Variants in COBLL1 observed in about 807,000 individuals in gnomAD.
COBLL1 encodes the protein cordon-bleu protein-like 1.
A neutral mutation model predicts 94.8 loss-of-function variants in COBLL1; 50 were observed. The ratio of observed to expected loss-of-function variants is 0.53; its 90% CI spans 0.42 to 0.67. The LOEUF (loss-of-function observed/expected upper bound fraction) is 0.67, where lower values mean the gene tolerates loss of function less well. Ranked by LOEUF, COBLL1 falls within the 30% of genes least tolerant of loss-of-function variation. COBLL1 has a pLI of 0.00. For synonymous variants in COBLL1, 448 were observed against 473.8 expected (o/e 0.95, Z 0.71); for missense variants, 1,362 against 1,348.7 (o/e 1.01, Z -0.15).
chr2:164,825,207 T>C (rs1461003472), intron 2 of COBLL1, among the ~76,000 whole-genome samples: 1 of 152,214 alleles, frequency 6.6e-6, no homozygotes, highest in Non-Finnish European at 1.5e-5. Flanking sequence ...TGTTCTTAAA[T>C]TACTGTGACC....
chr2:164,757,933 T>TA (rs1687492275), intron 2 of COBLL1, among the ~76,000 whole-genome samples: 1 of 152,082 alleles, frequency 6.6e-6, no homozygotes, highest in African/African-American at 2.4e-5. Flanking sequence ...TTTGAACAGT[T>TA]ATGAAAGTCA....
intron 7 of COBLL1, among the ~76,000 whole-genome samples, chr2:164,715,858 C>A (rs1247756690): frequency 6.6e-6 from 1 of 152,000 alleles, no homozygotes; most frequent in African/African-American, 2.4e-5. Flanking sequence ...AATGTAATAT[C>A]CCAGAGAAAA....
At chr2:164,669,646 A>G (rs1227336041) in intron 1 of COBLL1, among the ~76,000 whole-genome samples, 3 of 152,208 alleles carry the variant, frequency 2.0e-5, no homozygotes. Flanking sequence ...GGAACACTGC[A>G]AAACATTCTT....
chr2:164,826,896 G>GTT (rs11307250), intron 2 of COBLL1, among the ~76,000 whole-genome samples: 2 of 122,010 alleles, frequency 1.6e-5, no homozygotes, highest in African/African-American at 2.9e-5. Context: ...TCTTTGTTTC[G>GTT]TTTTTTTTTT....
intron 2 of COBLL1, among the ~76,000 whole-genome samples, chr2:164,814,411 T>C (rs888728226): frequency 1.3e-5 from 2 of 152,204 alleles, no homozygotes; most frequent in Non-Finnish European, 2.9e-5. Flanking sequence ...TGCTAGGTGA[T>C]CAATTAAGCA....
intron 1 of COBLL1, among the ~76,000 whole-genome samples, chr2:164,673,095 T>A (rs73013641): frequency 0.035 from 5,397 of 152,360 alleles, 115 homozygotes; most frequent in Non-Finnish European, 0.044. Flanking sequence ...ATTGTCTTTA[T>A]AAGTATACAT....
At chr2:164,825,726 A>G (rs1440555959) in intron 2 of COBLL1, among the ~76,000 whole-genome samples, 2 of 152,172 alleles carry the variant, frequency 1.3e-5, no homozygotes, top group East Asian at 3.9e-4. Context: ...ACCATAGCTG[A>G]AAGAGTTACA....
At chr2:164,675,099 T>C (rs1467205860) in intron 1 of COBLL1, among the ~76,000 whole-genome samples, 1 of 152,166 alleles carries the variant, frequency 6.6e-6, no homozygotes, top group African/African-American at 2.4e-5. Context: ...TCAGGGACCT[T>C]TGTCTTGATA....
chr2:164,810,885 G>T (rs1574631782), intron 2 of COBLL1, among the ~76,000 whole-genome samples: 2 of 152,006 alleles, frequency 1.3e-5, no homozygotes, highest in East Asian at 3.9e-4. Context: ...ACTTTGAACA[G>T]AAATTGCTTA....
chr2:164,828,309 A>T lies in COBLL1; in HGVS notation c.41+12847T>A, dbSNP rs575360603. On this transcript the variant is annotated intron_variant, in intron 2 of 13. Transcript: ENST00000652658. Reference sequence around the variant, plus strand: ...GCAAGTTACACAAAAGAAGGAATAAAGAATATGGCCTTTTCCTTTTAGGGT... The same window carrying T: ...GCAAGTTACACAAAAGAAGGAATAATGAATATGGCCTTTTCCTTTTAGGGT... Among the ~76,000 whole-genome samples, 7 of 152,218 alleles carry T rather than the reference A, an allele frequency of 4.6e-5. No individual in the cohort carries two copies. The South Asian group carries it at 1.2e-3, about 27-fold the overall frequency.
At chr2:164,747,039 ATGTAGTAGGCACTGATACT>A (rs929882656) in intron 2 of COBLL1, among the ~76,000 whole-genome samples, 2 of 152,152 alleles carry the variant, frequency 1.3e-5, no homozygotes, top group African/African-American at 4.8e-5. Context: ...CATGCCTGCC[ATGTAGTAGGCACTGATACT>A]TGCTGAAAGA....
At chr2:164,708,858 A>G (rs140576256) in intron 7 of COBLL1, among the ~76,000 whole-genome samples, 1 of 152,224 alleles carries the variant, frequency 6.6e-6, no homozygotes, top group African/African-American at 2.4e-5. Flanking sequence ...CATGAGGTGT[A>G]TAATAAAAAT....
At chr2:164,808,351 T>C (rs377524702) in intron 2 of COBLL1, among the ~76,000 whole-genome samples, 16 of 152,308 alleles carry the variant, frequency 1.1e-4, no homozygotes, top group African/African-American at 3.8e-4. Flanking sequence ...TACTGATATA[T>C]AGAGGCCCTC....
At chr2:164,718,282 C>T (rs931618695) in intron 7 of COBLL1, 7 of 982,500 alleles carry the variant, frequency 7.1e-6, no homozygotes, top group Non-Finnish European at 6.0e-6. Flanking sequence ...TTTAACAATG[C>T]TGCAAGCATT....
At chr2:164,786,362 G>A (rs1457181851) in intron 2 of COBLL1, among the ~76,000 whole-genome samples, 1 of 152,152 alleles carries the variant, frequency 6.6e-6, no homozygotes, top group Non-Finnish European at 1.5e-5. Flanking sequence ...AAATAAAACA[G>A]AGCATATAAC....
intron 9 of COBLL1, among the ~76,000 whole-genome samples, chr2:164,702,558 C>CAAAAAAAAAAAAAAAAAAA (rs56011410): frequency 1.2e-5 from 1 of 82,144 alleles, no homozygotes; most frequent in African/African-American, 4.4e-5. Flanking sequence ...TGAGACTCCT[C>CAAAAAAAAAAAAAAAAAAA]AAAAAAAAAA....
chr2:164,713,818 T>A (rs1685028364), intron 7 of COBLL1, among the ~76,000 whole-genome samples: 1 of 152,176 alleles, frequency 6.6e-6, no homozygotes, highest in African/African-American at 2.4e-5. Context: ...TCTGAAATCC[T>A]CAGAGGAGTA....
At chr2:164,707,770 C>T (rs898149778) in intron 7 of COBLL1, among the ~76,000 whole-genome samples, 4 of 152,100 alleles carry the variant, frequency 2.6e-5, no homozygotes, top group African/African-American at 4.8e-5. Context: ...ACCAGGGGCA[C>T]GTGTAAAGCT....
chr2:164,712,878 A>C (rs1684970226), intron 7 of COBLL1, among the ~76,000 whole-genome samples: 1 of 152,148 alleles, frequency 6.6e-6, no homozygotes, highest in South Asian at 2.1e-4. Context: ...GTCGCCTCAT[A>C]GAAGTTTTGG....
Sources: gnomAD v4.1 joint callset for allele counts (sites outside exome capture counted in the v4.1 genomes callset) on GRCh38, gnomAD v4.1.1 for gene constraint, MANE v1.5 for transcripts, NCBI Gene and HGNC (gene_info 2026-07-23, HGNC 2026-07-21) for gene names.